The following FAF1 variants were observed in gnomAD, a reference collection of about 807,000 sequenced individuals.
FAF1 encodes the protein Fas associated factor 1.
A neutral mutation model predicts 92.5 loss-of-function variants in FAF1; 25 were observed. The ratio of observed to expected loss-of-function variants is 0.27; its 90% confidence interval spans 0.20 to 0.38. The LOEUF is 0.38. Ranked by LOEUF, FAF1 falls within the 10% of genes least tolerant of loss-of-function variation. The probability of loss-of-function intolerance (pLI) is 1.00; values close to 1 mark genes in which losing one functional copy is unlikely to be tolerated. For missense variants in FAF1, 636 were observed against 793.3 expected, an observed-to-expected ratio of 0.80 and a Z score of 2.38; for synonymous variants, 234 against 273.2, an observed-to-expected ratio of 0.86 and a Z score of 1.42.
At chr1:50,679,091 AAAAC>A (rs1290175921) in intron 7 of FAF1, among the ~76,000 whole-genome samples, 2 of 152,244 alleles carry the variant, frequency 1.3e-5, no homozygotes, top group Admixed American at 6.5e-5. Context: ...CGTCTCAAAA[AAAAC>A]ACCAAAAACA....
chr1:50,738,209 C>T (rs891872866), intron 6 of FAF1, among the ~76,000 whole-genome samples: 2 of 151,824 alleles, frequency 1.3e-5, no homozygotes, highest in Admixed American at 6.6e-5. Flanking sequence ...TTTGGGAGGC[C>T]GAGGTGGGCA....
At chr1:50,684,312 C>T (rs1480610191) in intron 7 of FAF1, among the ~76,000 whole-genome samples, 1 of 138,986 alleles carries the variant, frequency 7.2e-6, no homozygotes, top group African/African-American at 2.7e-5. Flanking sequence ...AAACTACAGT[C>T]TATGACAATG....
intron 18 of FAF1, among the ~76,000 whole-genome samples, chr1:50,469,066 GTAT>G (rs1646536862): frequency 6.6e-6 from 1 of 152,152 alleles, no homozygotes; most frequent in Non-Finnish European, 1.5e-5. Context: ...AGCAGCAGCT[GTAT>G]TATTCTTTTA....
intron 9 of FAF1, among the ~76,000 whole-genome samples, chr1:50,589,135 G>A (rs1024571994): frequency 2.0e-5 from 3 of 152,180 alleles, no homozygotes; most frequent in Non-Finnish European, 4.4e-5. Context: ...AGCCAGGGCT[G>A]GCAGCATGCA....
intron 18 of FAF1, among the ~76,000 whole-genome samples, chr1:50,463,084 T>C (rs1646452504): frequency 6.6e-6 from 1 of 152,178 alleles, no homozygotes; most frequent in African/African-American, 2.4e-5. Context: ...CAATATAGTT[T>C]ATGATGAACA....
chr1:50,814,406 GT>G lies in FAF1; in HGVS notation c.115-12730del, dbSNP rs1457229180. On this transcript the variant is annotated intron_variant, in intron 2 of 18. Coordinates refer to ENST00000396153, the MANE Select transcript of FAF1 (RefSeq NM_007051.3). ...AGATGCCCAACTACAGACAAATGTT[GT>G]TTTGGATATATCATATTGTGTGGGT... is the stretch of plus-strand genomic sequence containing the variant. Among the ~76,000 whole-genome samples, 4 of 152,026 alleles carry G rather than the reference GT, an allele frequency of 2.6e-5. No homozygotes were observed. In the East Asian group the frequency reaches 7.7e-4, roughly 29 times the overall value.
At chr1:50,848,762 T>C (rs1644323828) in intron 2 of FAF1, among the ~76,000 whole-genome samples, 1 of 152,180 alleles carries the variant, frequency 6.6e-6, no homozygotes, top group Non-Finnish European at 1.5e-5. Flanking sequence ...CTGAGGAACA[T>C]GCTCCAAAAT....
At chr1:50,629,929 A>G (rs1243938541) in intron 8 of FAF1, among the ~76,000 whole-genome samples, 1 of 151,988 alleles carries the variant, frequency 6.6e-6, no homozygotes, top group Non-Finnish European at 1.5e-5. Flanking sequence ...ATAGTGGCAC[A>G]TGCCTGTAAT....
chr1:50,714,347 TAA>T (rs76296489), intron 6 of FAF1, among the ~76,000 whole-genome samples: 6 of 134,570 alleles, frequency 4.5e-5, no homozygotes, highest in Admixed American at 1.5e-4. Flanking sequence ...TACTAAAAAT[TAA>T]AAAAAAAAAA....
At chr1:50,441,720 T>G (rs1464561155) in intron 18 of FAF1, among the ~76,000 whole-genome samples, 197 bp from the exon 19 acceptor site, 1 of 152,154 alleles carries the variant, frequency 6.6e-6, no homozygotes, top group East Asian at 1.9e-4. Flanking sequence ...AAACCAGGGC[T>G]CAGGAAAATC....
intron 18 of FAF1, among the ~76,000 whole-genome samples, chr1:50,453,882 G>A (rs1646322760): frequency 6.6e-6 from 1 of 152,154 alleles, no homozygotes; most frequent in Non-Finnish European, 1.5e-5. Flanking sequence ...CTGGGGAGGG[G>A]AGTCAGAGAA....
intron 8 of FAF1, among the ~76,000 whole-genome samples, chr1:50,608,050 C>T (rs1652507787): frequency 6.6e-6 from 1 of 152,236 alleles, no homozygotes; most frequent in Admixed American, 6.5e-5. Flanking sequence ...CAGGGCTCCC[C>T]CATAGGCAGT....
intron 1 of FAF1, among the ~76,000 whole-genome samples, chr1:50,863,963 T>A (rs1324808363): frequency 6.6e-6 from 1 of 152,086 alleles, no homozygotes; most frequent in Non-Finnish European, 1.5e-5. Context: ...TTTATCCATT[T>A]CTTCTAGATT....
At chr1:50,551,183 A>AT (rs1649294676) in intron 13 of FAF1, among the ~76,000 whole-genome samples, 1 of 152,118 alleles carries the variant, frequency 6.6e-6, no homozygotes, top group African/African-American at 2.4e-5. Flanking sequence ...TATTATGTCA[A>AT]TTTTTTAAAG....
Position 50,729,368 on chromosome 1 carries a change from T to G in FAF1, c.551+9495A>C, listed in dbSNP as rs1471621324. 2.0e-5 allele frequency among the ~76,000 whole-genome samples: 3 copies of G among 150,844 alleles called. No homozygotes were observed. The East Asian group carries it at 5.9e-4, about 30-fold the overall frequency. ...CCACGCCCGGCCTATCTACTCATTT[T>G]TATTATCTATGGTCACAAGTGAAAT... On this transcript the variant is annotated intron_variant, in intron 6 of 18. Coordinates refer to ENST00000396153, the MANE Select transcript of FAF1 (RefSeq NM_007051.3).
intron 1 of FAF1, among the ~76,000 whole-genome samples, chr1:50,951,259 T>C (rs985804657): frequency 6.6e-6 from 1 of 152,160 alleles, no homozygotes; most frequent in African/African-American, 2.4e-5. Context: ...CAAAATTTGT[T>C]TCAAACCAAC....
At chr1:50,720,352 T>C (rs1350789920) in intron 6 of FAF1, among the ~76,000 whole-genome samples, 1 of 152,184 alleles carries the variant, frequency 6.6e-6, no homozygotes, top group Non-Finnish European at 1.5e-5. Context: ...ACAATGATGC[T>C]CACTACAATT....
chr1:50,616,209 C>T (rs1652906301), intron 8 of FAF1, among the ~76,000 whole-genome samples: 1 of 152,096 alleles, frequency 6.6e-6, no homozygotes, highest in African/African-American at 2.4e-5. Context: ...TTCCATTGGT[C>T]TATGTGTCTG....
At chr1:50,578,442 G>A (rs1476875961) in intron 12 of FAF1, among the ~76,000 whole-genome samples, 3 of 152,164 alleles carry the variant, frequency 2.0e-5, no homozygotes, top group Non-Finnish European at 2.9e-5. Context: ...TAACTCTCAA[G>A]TGTGAAATAT....
Sources: allele counts gnomAD v4.1 joint callset (sites outside exome capture counted in the v4.1 genomes callset), GRCh38; gene constraint gnomAD v4.1.1; transcripts MANE v1.5; gene names NCBI Gene and HGNC (gene_info 2026-07-23, HGNC 2026-07-21).